The following PLCXD1 variants were observed in gnomAD, a reference collection of about 807,000 sequenced individuals.
PLCXD1 encodes the protein phosphatidylinositol specific phospholipase C X domain containing 1.
In PLCXD1, 45 loss-of-function variants were observed where a neutral mutation model predicts 37.8. The ratio of observed to expected loss-of-function variants is 1.19; its 90% CI spans 0.94 to 1.53. PLCXD1 has a LOEUF of 1.53. PLCXD1 is among the 40% of genes most tolerant of loss of function. The pLI is 0.00. For synonymous variants in PLCXD1, 246 were observed against 206.9 expected, an observed-to-expected ratio of 1.19 and a Z score of -1.62; for missense variants, 539 against 454.7, an observed-to-expected ratio of 1.19 and a Z score of -1.69.
In PLCXD1 at chrX:291,511, G is replaced by T; in HGVS notation, c.406G>T (p.Glu136Ter). ...CCCCCCTCCCCAGGACACACTCACG[G>T]AAATCTCGGAGTGGCTGGAGCGGCA... The part of the protein sequence containing the change: ...TTALVEDTLT[E>*]ISEWLERHPR... The change falls in exon 5 of 7, where the codon GAA becomes TAA. Residue 136 changes from glutamate to a stop codon, truncating the protein, a stop_gained. Transcript: ENST00000381657. LOFTEE classifies it high-confidence loss of function. 1 of 1,612,702 alleles carries T rather than the reference G, an allele frequency of 6.2e-7. No homozygotes were observed. The highest frequency in any genetic ancestry group is 8.5e-7 in the Non-Finnish European group (1 of 1,179,848).
In PLCXD1 at chrX:300,242, C is replaced by G. The variant is rs986474062; in HGVS notation, c.*907C>G. On this transcript the variant is annotated 3_prime_UTR_variant, in exon 7 of 7. Transcript: ENST00000381657. ...CTTGCTGTGGCGTCTGGAGCCCTTA[C>G]AGACCCAGGGAGACACTATCCTCCC... 1.3e-5 allele frequency: 2 copies of G among 151,872 alleles called. No individual in the cohort carries two copies. Among genetic ancestry groups the G allele is most frequent in the African/African-American group, 4.8e-5 (2 of 41,346 alleles). The allele number at this position is 151,872 out of a possible 1,614,324, so 9.4% of individuals were successfully genotyped here.
chrX:292,239 A>T (rs2069660374), intron 5 of PLCXD1, among the ~76,000 whole-genome samples: 1 of 151,982 alleles, frequency 6.6e-6, no homozygotes, highest in African/African-American at 2.4e-5. Flanking sequence ...GCGGATCATG[A>T]GGTCAGGACA....
chrX:290,757 A>C lies in PLCXD1; in HGVS notation c.374A>C (p.Tyr125Ser), dbSNP rs368933372. 3.1e-6 allele frequency: 5 copies of C among 1,611,152 alleles called. No individual in the cohort carries two copies. The highest frequency in any genetic ancestry group is 4.2e-6 in the Non-Finnish European group (5 of 1,179,638). ...AACCTGCACTTTGTCCATATGGTGT[A>C]CACAACGGCGCTGGTGGAGGTGCGG... ...EKNLHFVHMV[Y>S]TTALVEDTLT... The change falls in exon 4 of 7, where the codon TAC becomes TCC. Residue 125 changes from tyrosine (Y) to serine (S), a missense_variant. By Grantham distance (144) the Tyr-to-Ser change is moderately radical. Transcript: ENST00000381657.
chrX:278,225 C>A (rs1388393669), upstream of PLCXD1, among the ~76,000 whole-genome samples: 1 of 148,196 alleles, frequency 6.7e-6, no homozygotes, highest in South Asian at 2.1e-4. Context: ...GTCAGGGGAC[C>A]TGGGATATGA....
chrX:301,631 G>C lies in PLCXD1; in HGVS notation c.*2296G>C, dbSNP rs184330724. 1 of 152,060 alleles carries C rather than the reference G, an allele frequency of 6.6e-6. No individual in the cohort carries two copies. 9.4% of individuals were successfully genotyped at this position (152,060 alleles called of 1,614,324 possible). On this transcript the variant is annotated 3_prime_UTR_variant, in exon 7 of 7. Coordinates refer to ENST00000381657, the MANE Select transcript of PLCXD1 (RefSeq NM_018390.4). The stretch of plus-strand genomic sequence containing the variant: ...GCTAATTATTTAGTAGTAGTAGGAG[G>C]AGTATTATGTTTGAGATGGAGTCTC...
At chrX:288,636 G>T in intron 2 of PLCXD1, 97 bp from the exon 3 acceptor site, 2 of 1,334,606 alleles carry the variant, frequency 1.5e-6, no homozygotes, top group East Asian at 4.6e-5. Flanking sequence ...CTGTGGGCGG[G>T]CAGCAGCCTG....
intron 2 of PLCXD1, among the ~76,000 whole-genome samples, chrX:286,924 G>A (rs1370991608): frequency 6.6e-6 from 1 of 151,940 alleles, no homozygotes; most frequent in African/African-American, 2.4e-5. Context: ...AAGATCGGGG[G>A]AGCAGGTGAC....
At position 288,838 on chromosome X, in the gene PLCXD1, G is replaced by T; in HGVS notation, c.233G>T (p.Arg78Leu). 7.4e-6 allele frequency: 12 copies of T among 1,613,306 alleles called. No homozygotes were observed. The highest frequency in any genetic ancestry group is 9.3e-6 in the Non-Finnish European group (11 of 1,179,762). ...AACAAGGCCTTGCCCTGCATCACGC[G>T]CCCTGTCGTGCTGAAATGGTCCGTC... ...LLNKALPCITRPVVLKWSVTQ... is the reference protein window; with the variant it reads ...LLNKALPCITLPVVLKWSVTQ... Residue 78 changes from arginine (R) to leucine (L), a missense_variant, in exon 3 of 7, where the codon CGC (arginine) becomes CTC (leucine). By Grantham distance (102) the Arg-to-Leu change is moderately radical. Transcript: ENST00000381657.
At chrX:287,278 C>T (rs1569564441) in intron 2 of PLCXD1, among the ~76,000 whole-genome samples, 2 of 143,182 alleles carry the variant, frequency 1.4e-5, no homozygotes, top group Non-Finnish European at 3.0e-5. Flanking sequence ...AAATATATAT[C>T]ATATATTTAT....
At chrX:284,513 T>C (rs1475529018) in intron 2 of PLCXD1, among the ~76,000 whole-genome samples, 199 bp downstream of exon 2, 20 of 152,110 alleles carry the variant, frequency 1.3e-4, no homozygotes, top group Non-Finnish European at 2.6e-4. Context: ...CATATGTACA[T>C]AGTCATGGAC....
At chrX:284,629 C>CGCACAT (rs1569564407) in intron 2 of PLCXD1, among the ~76,000 whole-genome samples, 1 of 149,522 alleles carries the variant, frequency 6.7e-6, no homozygotes, top group East Asian at 2.0e-4. Flanking sequence ...CATCTGCACA[C>CGCACAT]GCACATCTGC....
At chrX:281,076 AGGGGAGGCCGTGCAGGGGG>A (rs1305273937), upstream of PLCXD1, 2 of 10,764 alleles carry the variant, frequency 1.9e-4, no homozygotes, top group East Asian at 4.2e-3. Flanking sequence ...GTGCAGGGGG[AGGGGAGGCCGTGCAGGGGG>A]AGGGGGGGCC....
rs780971691 is a variant in PLCXD1 at position 291,490 on chromosome X, C to T, written c.394-9C>T. 2 of 1,612,152 alleles carry T rather than the reference C, an allele frequency of 1.2e-6. No homozygotes were observed. Among genetic ancestry groups the T allele is most frequent in the Middle Eastern group, 2.1e-4 (1 of 4,794 alleles). On this transcript the variant is annotated splice_polypyrimidine_tract_variant and intron_variant, in intron 4 of 6. Transcript: ENST00000381657. Reference sequence around the variant, plus strand: ...CGTGCAGGACTCAGCCCAGCACCCCCCTCCCCAGGACACACTCACGGAAAT... The same window carrying T: ...CGTGCAGGACTCAGCCCAGCACCCCTCTCCCCAGGACACACTCACGGAAAT...
rs1472590187 is a variant in PLCXD1 at position 296,725 on chromosome X, CCTGT to C, written c.734-2369_734-2366del. Among the ~76,000 whole-genome samples, 5 of 152,136 alleles carry C rather than the reference CCTGT, an allele frequency of 3.3e-5. No individual in the cohort carries two copies. The East Asian group carries it at 9.7e-4, about 29-fold the overall frequency. ...TAGTGCCCAAGACAACAGCATTCTT[CCTGT>C]CTATCACATGGGGGATAAGAATGTG... On this transcript the variant is annotated intron_variant, in intron 6 of 6. Transcript: ENST00000381657.
upstream of PLCXD1, among the ~76,000 whole-genome samples, chrX:277,019 G>C (rs146730447): frequency 6.6e-6 from 1 of 152,198 alleles, no homozygotes; most frequent in African/African-American, 2.4e-5. Context: ...CGCCGCGACC[G>C]TGAAGGCCAG....
chrX:293,858 G>A (rs1244115759), intron 6 of PLCXD1, among the ~76,000 whole-genome samples: 4 of 152,284 alleles, frequency 2.6e-5, no homozygotes, highest in East Asian at 1.9e-4. Context: ...TGTGGTTGCC[G>A]GGGGCTGCGG....
At chrX:287,375 ATATT>A (rs1344214064) in intron 2 of PLCXD1, among the ~76,000 whole-genome samples, 1 of 144,170 alleles carries the variant, frequency 6.9e-6, no homozygotes, top group Non-Finnish European at 1.5e-5. Context: ...ATATAAATAC[ATATT>A]TATGCAAAAA....
At chrX:291,353 C>G in intron 4 of PLCXD1, 146 bp from the exon 5 acceptor site, 1 of 797,450 alleles carries the variant, frequency 1.3e-6, no homozygotes, top group Non-Finnish European at 2.1e-6. Context: ...ACCATGTTGG[C>G]TAGGCTGGTC....
At chrX:284,652 A>C (rs2069390142) in intron 2 of PLCXD1, among the ~76,000 whole-genome samples, 1 of 103,836 alleles carries the variant, frequency 9.6e-6, no homozygotes, top group Non-Finnish European at 2.5e-5. Context: ...ACACACATGC[A>C]CATCTGCACA....
Sources: allele counts gnomAD v4.1 joint callset (sites outside exome capture counted in the v4.1 genomes callset), GRCh38; gene constraint gnomAD v4.1.1; transcripts MANE v1.5; gene names NCBI Gene and HGNC (gene_info 2026-07-23, HGNC 2026-07-21).